DNAJC6: variants seen among roughly 807,000 people sequenced by gnomAD.
The protein encoded by DNAJC6 is DnaJ heat shock protein family (Hsp40) member C6.
Under a neutral mutation model 110.0 loss-of-function variants are expected in DNAJC6, and 34 were observed. That is an observed-to-expected ratio of 0.31 (90% CI 0.24 to 0.41). The LOEUF is 0.41. DNAJC6 is among the 10% of genes least tolerant of loss of function. DNAJC6 has a pLI of 1.00. For missense variants in DNAJC6, 1,031 were observed against 1,207.8 expected, an observed-to-expected ratio of 0.85 and a Z score of 2.17; for synonymous variants, 406 against 437.2, an observed-to-expected ratio of 0.93 and a Z score of 0.89.
At chr1:65,310,350 GTTGA>G (rs910103472) in intron 1 of DNAJC6, among the ~76,000 whole-genome samples, 3 of 152,194 alleles carry the variant, frequency 2.0e-5, no homozygotes, top group Admixed American at 6.5e-5. Flanking sequence ...GAGCATGTGC[GTTGA>G]TTGTTTTTGC....
At position 65,364,629 on chromosome 1, in the gene DNAJC6, TGGCAG is replaced by T; in HGVS notation, c.194-4_194del. On this transcript the variant is annotated splice_acceptor_variant and splice_polypyrimidine_tract_variant and intron_variant, in intron 1 of 18. Coordinates refer to ENST00000371069, the MANE Select transcript of DNAJC6 (RefSeq NM_001256864.2). LOFTEE classifies it high-confidence loss of function. ...TTGTTTGTTTGTTTTTTTTTTTTTT[TGGCAG>T]GTGCCTCATCTCCAGACATGGAGCC... 5 of 1,522,272 alleles carry T rather than the reference TGGCAG, an allele frequency of 3.3e-6. No homozygotes were observed. The highest frequency in any genetic ancestry group is 2.3e-5 in the Admixed American group (1 of 44,266). 94.3% of individuals were successfully genotyped at this position (1,522,272 alleles called of 1,614,324 possible). A position where few individuals can be genotyped will look rare whatever the true frequency, so the allele number is the denominator to read the frequency against.
chr1:65,383,516 T>G (rs189387056), intron 5 of DNAJC6, among the ~76,000 whole-genome samples: 248 of 152,214 alleles, frequency 1.6e-3, no homozygotes, highest in Middle Eastern at 0.01. Flanking sequence ...CAGATGGCTG[T>G]CTTCTTGTTT....
At chr1:65,379,617 A>T (rs1295192743) in intron 5 of DNAJC6, 93 bp downstream of exon 5, 3 of 1,502,768 alleles carry the variant, frequency 2.0e-6, no homozygotes, top group Non-Finnish European at 2.7e-6. Context: ...ATTTGAGTTC[A>T]ATAGGATTTA....
At chr1:65,284,820 C>G (rs1025428461) in intron 1 of DNAJC6, among the ~76,000 whole-genome samples, 12 of 152,034 alleles carry the variant, frequency 7.9e-5, no homozygotes, top group Admixed American at 2.6e-4. Flanking sequence ...TCCCAAGTAG[C>G]TGGAATTACA....
At chr1:65,393,206 A>G (rs1645946238) in intron 12 of DNAJC6, among the ~76,000 whole-genome samples, 2 of 152,182 alleles carry the variant, frequency 1.3e-5, no homozygotes, top group Admixed American at 1.3e-4. Context: ...TTTATGAGGT[A>G]TTTACTATTT....
At position 65,392,471 on chromosome 1, in the gene DNAJC6, T is replaced by C. The variant is rs1645937408; in HGVS notation, c.1509T>C (p.Ala503=). ...SEKSFCEEDH[A]ALVNQESEQS... ...AGTCATTCTGTGAGGAGGACCACGC[T>C]GCCCTAGTGAATCAGGAAAGTGAGC... Residue 503 remains alanine, a synonymous_variant, in exon 12 of 19, where the codon GCT becomes GCC. Coordinates refer to ENST00000371069, the MANE Select transcript of DNAJC6 (RefSeq NM_001256864.2). The C allele has an allele frequency of 6.2e-7, 1 of 1,612,030 alleles. No homozygotes were observed. The highest frequency in any genetic ancestry group is 1.1e-5 in the South Asian group (1 of 90,774).
At chr1:65,347,636 T>TC (rs1426235875) in intron 1 of DNAJC6, among the ~76,000 whole-genome samples, 1 of 152,146 alleles carries the variant, frequency 6.6e-6, no homozygotes, top group Non-Finnish European at 1.5e-5. Flanking sequence ...AAACCTTTTT[T>TC]CATAAATTAG....
chr1:65,349,102 A>C (rs1645466307), intron 1 of DNAJC6, among the ~76,000 whole-genome samples: 2 of 126,180 alleles, frequency 1.6e-5, no homozygotes, highest in South Asian at 5.1e-4. Flanking sequence ...ATATATATAT[A>C]AATAAATATG....
chr1:65,356,367 T>C (rs542179751), intron 1 of DNAJC6, among the ~76,000 whole-genome samples: 13 of 151,826 alleles, frequency 8.6e-5, no homozygotes, highest in Admixed American at 6.6e-4. Flanking sequence ...AGGTTAGGAG[T>C]TCGAGACCAG....
At chr1:65,395,290 C>G (rs1300226530) in intron 13 of DNAJC6, among the ~76,000 whole-genome samples, 1 of 152,054 alleles carries the variant, frequency 6.6e-6, no homozygotes, top group African/African-American at 2.4e-5. Flanking sequence ...GCTACATGGA[C>G]AGAATCATAA....
chr1:65,302,978 G>A (rs1449656466), intron 1 of DNAJC6, among the ~76,000 whole-genome samples: 4 of 152,162 alleles, frequency 2.6e-5, no homozygotes, highest in Non-Finnish European at 5.9e-5. Context: ...TGCTCTTTGT[G>A]AATTACCCAG....
intron 4 of DNAJC6, among the ~76,000 whole-genome samples, chr1:65,376,502 C>G (rs1411454158): frequency 6.6e-6 from 1 of 151,630 alleles, no homozygotes; most frequent in East Asian, 1.9e-4. Flanking sequence ...AGTCTTTCTA[C>G]TTTTTCGATA....
chr1:65,404,683 G>T (rs1646058706), intron 15 of DNAJC6, among the ~76,000 whole-genome samples: 1 of 152,166 alleles, frequency 6.6e-6, no homozygotes. Flanking sequence ...TCAGAATAGG[G>T]AAAGTATCTA....
chr1:65,391,660 C>T (rs558883112), intron 11 of DNAJC6, among the ~76,000 whole-genome samples: 9 of 150,390 alleles, frequency 6.0e-5, no homozygotes, highest in South Asian at 2.1e-4. Context: ...CTACCCTCCC[C>T]GGCCAAAGCA....
upstream of DNAJC6, among the ~76,000 whole-genome samples, chr1:65,306,995 T>G (rs1427783219): frequency 2.6e-5 from 3 of 117,294 alleles, no homozygotes; most frequent in Admixed American, 2.7e-4. Flanking sequence ...TCTCTCTCTC[T>G]CTCTCTCTCT....
At chr1:65,388,139 A>G (rs777069770) in intron 8 of DNAJC6, among the ~76,000 whole-genome samples, 197 bp from the exon 9 acceptor site, 9 of 152,208 alleles carry the variant, frequency 5.9e-5, no homozygotes, top group Non-Finnish European at 1.0e-4. Flanking sequence ...ATGGTTTGCC[A>G]AGGCAGAGTT....
intron 1 of DNAJC6, among the ~76,000 whole-genome samples, chr1:65,286,630 C>CAGAAA (rs1654029017): frequency 6.6e-6 from 1 of 152,162 alleles, no homozygotes; most frequent in South Asian, 2.1e-4. Flanking sequence ...AAGACTACAA[C>CAGAAA]AGAAAAGATG....
intron 5 of DNAJC6, among the ~76,000 whole-genome samples, chr1:65,381,324 G>T (rs1049460048): frequency 6.6e-6 from 1 of 151,906 alleles, no homozygotes; most frequent in Admixed American, 6.6e-5. Context: ...GAGGCAGGTG[G>T]ATCACTTGAG....
At chr1:65,403,082 A>G (rs1646044560) in intron 15 of DNAJC6, among the ~76,000 whole-genome samples, 1 of 152,238 alleles carries the variant, frequency 6.6e-6, no homozygotes, top group Non-Finnish European at 1.5e-5. Flanking sequence ...ACATTATAGA[A>G]GGGGAATCAA....
Sources: allele counts gnomAD v4.1 joint callset (sites outside exome capture counted in the v4.1 genomes callset), GRCh38; gene constraint gnomAD v4.1.1; transcripts MANE v1.5; gene names NCBI Gene and HGNC (gene_info 2026-07-23, HGNC 2026-07-21).